LINGO2: variants seen among roughly 807,000 people sequenced by gnomAD.
LINGO2 encodes leucine-rich repeat and immunoglobulin-like domain-containing nogo receptor-interacting protein 2.
LINGO2 carries 14 observed loss-of-function variants against 30.6 expected under a neutral mutation model. That is an observed-to-expected ratio of 0.46 (90% CI 0.30 to 0.72). LINGO2 has a LOEUF of 0.72. Ranked by LOEUF, LINGO2 falls within the 30% of genes least tolerant of loss-of-function variation. The probability of loss-of-function intolerance (pLI) is 0.07; values close to 1 mark genes in which losing one functional copy is unlikely to be tolerated. For missense variants in LINGO2, 729 were observed against 751.7 expected (o/e 0.97, Z 0.35); for synonymous variants, 317 against 288.5 (o/e 1.10, Z -1.00).
At chr9:28,203,732 T>C (rs149523916) in intron 4 of LINGO2, among the ~76,000 whole-genome samples, 1 of 152,168 alleles carries the variant, frequency 6.6e-6, no homozygotes, top group Non-Finnish European at 1.5e-5. Context: ...TCACAAAATG[T>C]TAGAATTAGA....
At chr9:28,028,852 T>C (rs573895968) in intron 4 of LINGO2, among the ~76,000 whole-genome samples, 1 of 152,274 alleles carries the variant, frequency 6.6e-6, no homozygotes, top group African/African-American at 2.4e-5. Flanking sequence ...AGCATATATA[T>C]AAGTATACAG....
At chr9:28,991,010 A>G in the LINGO2 span, among the ~76,000 whole-genome samples, 3 of 152,232 alleles carry the variant, frequency 2.0e-5, no homozygotes, top group Admixed American at 2.0e-4. Flanking sequence ...ACAAAGCTGG[A>G]TGGAGAATGA....
the LINGO2 span, among the ~76,000 whole-genome samples, chr9:29,070,201 A>T: frequency 0.03 from 4,629 of 152,190 alleles, 134 homozygotes; most frequent in South Asian, 0.14. Flanking sequence ...AAATTAGATA[A>T]CATACTCAAG....
the LINGO2 span, among the ~76,000 whole-genome samples, chr9:29,161,601 T>C: frequency 6.6e-6 from 1 of 152,174 alleles, no homozygotes; most frequent in Non-Finnish European, 1.5e-5. Context: ...GGCTGCCCCT[T>C]CAGCATTTCT....
At chr9:28,861,340 T>A in the LINGO2 span, among the ~76,000 whole-genome samples, 1 of 132,398 alleles carries the variant, frequency 7.6e-6, no homozygotes, top group African/African-American at 2.8e-5. Flanking sequence ...TATATATTAT[T>A]AATATATATA....
chr9:28,103,848 T>C (rs756409222), intron 4 of LINGO2, among the ~76,000 whole-genome samples: 3 of 152,170 alleles, frequency 2.0e-5, no homozygotes, highest in African/African-American at 7.2e-5. Flanking sequence ...CCCAGAGAGT[T>C]CATTTAAACT....
intron 1 of LINGO2, among the ~76,000 whole-genome samples, chr9:28,496,792 G>A (rs192493811): frequency 1.4e-4 from 22 of 152,138 alleles, no homozygotes; most frequent in African/African-American, 5.3e-4. Flanking sequence ...TGCAGTGGCT[G>A]GTACCAGTTG....
At chr9:27,981,649 T>C (rs1185911841) in intron 5 of LINGO2, among the ~76,000 whole-genome samples, 1 of 150,828 alleles carries the variant, frequency 6.6e-6, no homozygotes, top group Non-Finnish European at 1.5e-5. Context: ...TAAGGACTGC[T>C]GTTGTTCCCC....
chr9:28,416,624 T>C (rs990778251), intron 2 of LINGO2, among the ~76,000 whole-genome samples: 2 of 152,040 alleles, frequency 1.3e-5, no homozygotes, highest in African/African-American at 4.8e-5. Context: ...CAGCTTCAAA[T>C]CCCATGCAAG....
the LINGO2 span, among the ~76,000 whole-genome samples, chr9:28,921,448 C>T: frequency 6.6e-6 from 1 of 152,154 alleles, no homozygotes; most frequent in Non-Finnish European, 1.5e-5. Flanking sequence ...GTCATCCCGT[C>T]ACACAGATAA....
chr9:29,116,095 C>T, the LINGO2 span, among the ~76,000 whole-genome samples: 1 of 151,508 alleles, frequency 6.6e-6, no homozygotes, highest in Non-Finnish European at 1.5e-5. Context: ...TGGGCTATAA[C>T]GAATGACTTA....
the LINGO2 span, among the ~76,000 whole-genome samples, chr9:28,913,818 T>C: frequency 6.6e-6 from 1 of 152,268 alleles, no homozygotes; most frequent in East Asian, 1.9e-4. Context: ...GGACTCAGCA[T>C]TGAAAGTTTT....
At chr9:28,023,308 G>A (rs1823224358) in intron 4 of LINGO2, among the ~76,000 whole-genome samples, 2 of 152,166 alleles carry the variant, frequency 1.3e-5, no homozygotes, top group Admixed American at 1.3e-4. Flanking sequence ...ATGTTTATCT[G>A]GCTAGAAGTT....
the LINGO2 span, among the ~76,000 whole-genome samples, chr9:28,905,473 A>T: frequency 6.6e-6 from 1 of 151,948 alleles, no homozygotes; most frequent in East Asian, 1.9e-4. Context: ...TGTGACTAAA[A>T]ATAGGCAAAA....
chr9:29,111,927 G>A, the LINGO2 span, among the ~76,000 whole-genome samples: 2 of 149,760 alleles, frequency 1.3e-5, no homozygotes, highest in South Asian at 4.2e-4. Context: ...TTATATATGT[G>A]TGTATATATA....
chr9:28,469,614 C>T (rs921621890), intron 2 of LINGO2, among the ~76,000 whole-genome samples: 1 of 152,078 alleles, frequency 6.6e-6, no homozygotes, highest in African/African-American at 2.4e-5. Context: ...ATAAACCTAT[C>T]ATTGAATTTT....
At chr9:28,171,223 G>T (rs1308922257) in intron 4 of LINGO2, among the ~76,000 whole-genome samples, 1 of 152,216 alleles carries the variant, frequency 6.6e-6, no homozygotes. Context: ...GGAAGGAGAG[G>T]TGGGTGTAGA....
rs150712770 is a variant in LINGO2 at position 28,384,527 on chromosome 9, C to A, written c.-278-11659G>T. The stretch of plus-strand genomic sequence containing the variant: ...ATACCTTTCAGTAATAATTGTCTAC[C>A]CTTTTTCCCACTATTTTTAAAACAA... On this transcript the variant is annotated intron_variant, in intron 2 of 5. Coordinates refer to ENST00000379992, the Ensembl canonical transcript of LINGO2. 4.6e-5 allele frequency among the ~76,000 whole-genome samples: 7 copies of A among 151,364 alleles called. No homozygotes were observed. In the East Asian group the frequency reaches 1.4e-3, roughly 29 times the overall value.
At chr9:29,004,850 C>T in the LINGO2 span, among the ~76,000 whole-genome samples, 1 of 151,896 alleles carries the variant, frequency 6.6e-6, no homozygotes, top group Non-Finnish European at 1.5e-5. Context: ...ATTGCAACTG[C>T]ATGTATTACC....
Sources: gnomAD v4.1 joint callset for allele counts (sites outside exome capture counted in the v4.1 genomes callset) on GRCh38, gnomAD v4.1.1 for gene constraint, MANE v1.5 for transcripts, NCBI Gene and HGNC (gene_info 2026-07-23, HGNC 2026-07-21) for gene names.